The following MLX variants were observed in gnomAD, a reference collection of about 807,000 sequenced individuals.
MLX encodes MAX dimerization protein MLX, also known as max-like protein X.
In MLX, 15 loss-of-function variants were observed where a neutral mutation model predicts 33.0. The ratio of observed to expected loss-of-function variants is 0.45; its 90% CI spans 0.30 to 0.70. MLX has a LOEUF of 0.70. Among genes scored for constraint, MLX ranks in the 30% least tolerant of loss-of-function variants. The pLI, the probability that MLX is intolerant of heterozygous loss-of-function variation, is 0.07. For synonymous variants in MLX, 115 were observed against 115.6 expected, an observed-to-expected ratio of 0.99 and a Z score of 0.03; for missense variants, 285 against 306.3, an observed-to-expected ratio of 0.93 and a Z score of 0.52.
chr17:42,572,582 T>G lies in MLX; in HGVS notation c.*979T>G. The G allele has an allele frequency of 2.2e-6, 1 of 453,856 alleles. No individual in the cohort carries two copies. Among genetic ancestry groups the G allele is most frequent in the African/African-American group, 2.0e-5 (1 of 50,104 alleles). The allele number at this position is 453,856 out of a possible 1,614,324, so 28.1% of individuals were successfully genotyped here. A position where few individuals can be genotyped will look rare whatever the true frequency, so the allele number is the denominator to read the frequency against. ...AATGCTCGTTTTATAGCAACCTCTC[T>G]CTACCCTAGTTCTCCAAATTCACTT... On this transcript the variant is annotated 3_prime_UTR_variant, in exon 8 of 8. Coordinates refer to ENST00000435881, the MANE Select transcript of MLX (RefSeq NM_198204.2).
At chr17:42,570,285 A>G (rs2093025365) in intron 7 of MLX, 102 bp downstream of exon 7, 3 of 1,143,532 alleles carry the variant, frequency 2.6e-6, no homozygotes, top group Non-Finnish European at 3.8e-6. Flanking sequence ...CTGCTTTTAG[A>G]TCTTAAGGGC....
chr17:42,569,583 C>T lies in MLX; in HGVS notation c.453C>T (p.Val151=). 6.2e-7 allele frequency: 1 copy of T among 1,613,980 alleles called. No homozygotes were observed. Among genetic ancestry groups the T allele is most frequent in the Non-Finnish European group, 8.5e-7 (1 of 1,179,926 alleles). The change falls in exon 6 of 8, where the codon GTC becomes GTT. Residue 151 remains valine (V), a synonymous_variant. Transcript: ENST00000435881. ...EEEVSTLRKD[V]TALKIMKVNY... Reference sequence around the variant, plus strand: ...AGGTGTCCACGTTACGCAAGGATGTCACCGCCCTAAAGATCATGAAAGTGT... The same window carrying T: ...AGGTGTCCACGTTACGCAAGGATGTTACCGCCCTAAAGATCATGAAAGTGT...
In MLX at chr17:42,571,724, T is replaced by A. The variant is rs2093033922; in HGVS notation, c.*121T>A. The A allele has an allele frequency of 1.1e-6, 1 of 945,382 alleles. No individual in the cohort carries two copies. The highest frequency in any genetic ancestry group is 1.7e-6 in the Non-Finnish European group (1 of 587,862). 58.6% of individuals were successfully genotyped at this position (945,382 alleles called of 1,614,324 possible). A position where few individuals can be genotyped will look rare whatever the true frequency, so the allele number is the denominator to read the frequency against. On this transcript the variant is annotated 3_prime_UTR_variant, in exon 8 of 8. Transcript: ENST00000435881. ...CTCACACTGGTCAGCTGGTTTCTAC[T>A]TGGTGTTTGGTTTTTCCCAGCCCCA...
Position 42,569,303 on chromosome 17 carries a change from A to G in MLX, c.376A>G (p.Thr126Ala), listed in dbSNP as rs779900314. ...CAGCAAAGCCATCGTTCTACAAAAG[A>G]GTATGGCTAGGGAAAGCACTGGAGG... is the stretch of plus-strand genomic sequence containing the variant. The part of the protein sequence containing the change: ...KLSKAIVLQK[T>A]IDYIQFLHKE... The change falls in exon 5 of 8, where the codon ACC becomes GCC. Residue 126 changes from threonine (T) to alanine (A), a missense_variant and splice_region_variant. Thr to Ala is a moderately conservative substitution (Grantham distance 58). Coordinates refer to ENST00000435881, the MANE Select transcript of MLX (RefSeq NM_198204.2). The G allele has an allele frequency of 6.2e-6, 10 of 1,613,488 alleles. No individual in the cohort carries two copies. The highest frequency in any genetic ancestry group is 8.5e-6 in the Non-Finnish European group (10 of 1,179,564).
At chr17:42,570,456 C>A (rs1019182595) in intron 7 of MLX, among the ~76,000 whole-genome samples, 1 of 152,180 alleles carries the variant, frequency 6.6e-6, no homozygotes, top group African/African-American at 2.4e-5. Flanking sequence ...TGTATGGAAG[C>A]CCCAGGCATC....
In MLX at chr17:42,573,052, G is replaced by C; in HGVS notation, c.*1449G>C. On this transcript the variant is annotated 3_prime_UTR_variant, in exon 8 of 8. Coordinates refer to ENST00000435881, the MANE Select transcript of MLX (RefSeq NM_198204.2). ...GTGAGACAGGGAGACAAGTGAATGA[G>C]ATGTCACCAGGATAAGACCACAGGG... The C allele has an allele frequency of 6.2e-7, 1 of 1,614,148 alleles. No individual in the cohort carries two copies. The highest frequency in any genetic ancestry group is 8.5e-7 in the Non-Finnish European group (1 of 1,179,954).
chr17:42,567,367 G>A (rs2093012284), intron 1 of MLX: 2 of 1,401,650 alleles, frequency 1.4e-6, no homozygotes, highest in African/African-American at 1.5e-5. Flanking sequence ...CGAGTCGGGG[G>A]AACGGGGCAC....
At chr17:42,569,046 T>C (rs2093020624) in intron 4 of MLX, 103 bp downstream of exon 4, 5 of 1,331,106 alleles carry the variant, frequency 3.8e-6, no homozygotes, top group East Asian at 4.8e-5. Context: ...CCCTAGGGGG[T>C]GGGCAGGTAG....
At chr17:42,569,042 G>T (rs2093020588) in intron 4 of MLX, 99 bp downstream of exon 4, 6 of 1,324,424 alleles carry the variant, frequency 4.5e-6, no homozygotes, top group South Asian at 2.4e-5. Flanking sequence ...GGCACCCTAG[G>T]GGGTGGGCAG....
At chr17:42,568,335 C>A in intron 2 of MLX, 135 bp from the exon 3 acceptor site, 1 of 553,718 alleles carries the variant, frequency 1.8e-6, no homozygotes. Flanking sequence ...TGCACTCTAG[C>A]CTGGGCGACT....
At chr17:42,569,116 A>G (rs557387629) in intron 4 of MLX, 88 bp from the exon 5 acceptor site, 31 of 1,382,956 alleles carry the variant, frequency 2.2e-5, no homozygotes, top group East Asian at 1.1e-4. Context: ...GTTTGTGAGC[A>G]TAGAACTTGG....
Position 42,568,906 on chromosome 17 carries a change from A to G in MLX, c.239A>G (p.His80Arg). 1.2e-6 allele frequency: 2 copies of G among 1,611,336 alleles called. No homozygotes were observed. Among genetic ancestry groups the G allele is most frequent in the Non-Finnish European group, 1.7e-6 (2 of 1,178,678 alleles). The stretch of plus-strand genomic sequence containing the variant: ...TACAAAGACCGGCGGCGGCGCGCAC[A>G]CACTCAGGCTGAGCAGAAGAGGAGG... Reference protein sequence around the residue: ...ESYKDRRRRAHTQAEQKRRDA... With the variant: ...ESYKDRRRRARTQAEQKRRDA... Residue 80 changes from histidine to arginine, a missense_variant, in exon 4 of 8, where the codon CAC (histidine) becomes CGC (arginine). Transcript: ENST00000435881.
At position 42,570,186 on chromosome 17, in the gene MLX, A is replaced by G. The variant is rs2093024978; in HGVS notation, c.678+3A>G. On this transcript the variant is annotated splice_donor_region_variant and intron_variant, in intron 7 of 7. Transcript: ENST00000435881. ...TCGAGGAGCACTGTAAGCCTCAGGTATGGGGCAACAATAGGCACAGGGTCT... is the reference window on the plus strand; with the variant it reads ...TCGAGGAGCACTGTAAGCCTCAGGTGTGGGGCAACAATAGGCACAGGGTCT... 1.2e-6 allele frequency: 2 copies of G among 1,613,392 alleles called. No homozygotes were observed. Among genetic ancestry groups the G allele is most frequent in the Non-Finnish European group, 1.7e-6 (2 of 1,179,912 alleles).
In MLX at chr17:42,570,017, A is replaced by G. The variant is rs984039391; in HGVS notation, c.512A>G (p.Asn171Ser). The change falls in exon 7 of 8, where the codon AAC (asparagine) becomes AGC (serine). Residue 171 changes from asparagine (N) to serine (S), a missense_variant. Asn to Ser is a conservative substitution (Grantham distance 46). Coordinates refer to ENST00000435881, the MANE Select transcript of MLX (RefSeq NM_198204.2). ...YEQIVKAHQDNPHEGEDQVSD... is the reference protein window; with the variant it reads ...YEQIVKAHQDSPHEGEDQVSD... ...CAGATTGTGAAGGCACACCAGGACA[A>G]CCCCCATGAAGGGGAGGACCAGGTC... 6.2e-7 allele frequency: 1 copy of G among 1,613,966 alleles called. No individual in the cohort carries two copies. Among genetic ancestry groups the G allele is most frequent in the South Asian group, 1.1e-5 (1 of 91,068 alleles).
At position 42,572,636 on chromosome 17, in the gene MLX, G is replaced by A. The variant is rs2093041071; in HGVS notation, c.*1033G>A. The stretch of plus-strand genomic sequence containing the variant: ...CCTTCCTCAGGTTTGATATCTGGCA[G>A]GTTTGACTATCCAGAGGAAATTAAA... On this transcript the variant is annotated 3_prime_UTR_variant, in exon 8 of 8. Coordinates refer to ENST00000435881, the MANE Select transcript of MLX (RefSeq NM_198204.2). 2.2e-6 allele frequency: 1 copy of A among 444,454 alleles called. No individual in the cohort carries two copies. Among genetic ancestry groups the A allele is most frequent in the African/African-American group, 2.0e-5 (1 of 49,598 alleles). The allele number at this position is 444,454 out of a possible 1,614,324, so 27.5% of individuals were successfully genotyped here.
chr17:42,573,059 C>A lies in MLX; in HGVS notation c.*1456C>A. On this transcript the variant is annotated 3_prime_UTR_variant, in exon 8 of 8. Transcript: ENST00000435881. ...AGGGAGACAAGTGAATGAGATGTCA[C>A]CAGGATAAGACCACAGGGAAGCAAA... 6.2e-7 allele frequency: 1 copy of A among 1,614,156 alleles called. No individual in the cohort carries two copies. Among genetic ancestry groups the A allele is most frequent in the Non-Finnish European group, 8.5e-7 (1 of 1,179,984 alleles).
chr17:42,568,695 T>C, intron 3 of MLX, 136 bp downstream of exon 3: 1 of 1,073,266 alleles, frequency 9.3e-7, no homozygotes, highest in South Asian at 1.3e-5. Flanking sequence ...TCTCACCATC[T>C]TTCACCTCAT....
intron 2 of MLX, 77 bp from the exon 3 acceptor site, chr17:42,568,392 AT>A: frequency 1.1e-6 from 1 of 938,926 alleles, no homozygotes; most frequent in South Asian, 1.4e-5. Flanking sequence ...AAAGAAAGCC[AT>A]TGTGTCCTAC....
In MLX at chr17:42,571,969, T is replaced by C; in HGVS notation, c.*366T>C. 3.6e-6 allele frequency: 1 copy of C among 276,878 alleles called. No individual in the cohort carries two copies. Among genetic ancestry groups the C allele is most frequent in the Non-Finnish European group, 7.0e-6 (1 of 142,232 alleles). The allele number at this position is 276,878 out of a possible 1,614,324, so 17.2% of individuals were successfully genotyped here. A position where few individuals can be genotyped will look rare whatever the true frequency, so the allele number is the denominator to read the frequency against. ...ATCTACATAGATTTGGAAACTGTTT[T>C]CCTCTGTTTTGGTCTCTTGGGCAAC... On this transcript the variant is annotated 3_prime_UTR_variant, in exon 8 of 8. Transcript: ENST00000435881.
Sources: allele counts gnomAD v4.1 joint callset (sites outside exome capture counted in the v4.1 genomes callset), GRCh38; gene constraint gnomAD v4.1.1; transcripts MANE v1.5; gene names NCBI Gene and HGNC (gene_info 2026-07-23, HGNC 2026-07-21).